Variants in GCKR observed in about 807,000 individuals in gnomAD.
GCKR encodes glucokinase regulator.
Under a neutral mutation model 82.9 loss-of-function variants are expected in GCKR, and 73 were observed. The ratio of observed to expected loss-of-function variants is 0.88; its 90% CI spans 0.73 to 1.07. GCKR has a LOEUF of 1.07. Among genes scored for constraint, GCKR ranks in the 50% least tolerant of loss-of-function variants. The pLI is 0.00. For synonymous variants in GCKR, 294 were observed against 291.8 expected (o/e 1.01, Z -0.08); for missense variants, 784 against 782.1 (o/e 1.00, Z -0.03).
intron 16 of GCKR, among the ~76,000 whole-genome samples, chr2:27,515,390 C>T (rs1443051460): frequency 6.6e-6 from 1 of 152,064 alleles, no homozygotes; most frequent in Admixed American, 6.6e-5. Context: ...ATCATCCCAC[C>T]TCAGCCTCCC....
At chr2:27,511,237 G>A (rs1480596020) in intron 16 of GCKR, among the ~76,000 whole-genome samples, 4 of 151,512 alleles carry the variant, frequency 2.6e-5, no homozygotes, top group African/African-American at 9.7e-5. Context: ...CATGTTGGCC[G>A]GGCTGGTCTC....
chr2:27,520,652 C>T (rs2148593611), intron 17 of GCKR, among the ~76,000 whole-genome samples: 1 of 152,270 alleles, frequency 6.6e-6, no homozygotes, highest in South Asian at 2.1e-4. Flanking sequence ...ATGTAAAAAC[C>T]AAAGCTGTAT....
At chr2:27,520,710 C>A (rs1054993248) in intron 17 of GCKR, among the ~76,000 whole-genome samples, 1 of 152,106 alleles carries the variant, frequency 6.6e-6, no homozygotes, top group Non-Finnish European at 1.5e-5. Context: ...GACTACATTT[C>A]TCTTTTTAGC....
At chr2:27,502,608 C>A (rs183423454) in intron 8 of GCKR, among the ~76,000 whole-genome samples, 1 of 152,160 alleles carries the variant, frequency 6.6e-6, no homozygotes, top group South Asian at 2.1e-4. Flanking sequence ...TTAGTCTCCT[C>A]TTTCTTAGGA....
At position 27,515,765 on chromosome 2, in the gene GCKR, A is replaced by AT. The variant is rs60183178; in HGVS notation, c.1423-3007dup. Reference sequence around the variant, plus strand: ...TGTTCGTATATATATATATATATATATTTTTTTTTTTTTTTTGAGACAGAA... The same window carrying AT: ...TGTTCGTATATATATATATATATATATTTTTTTTTTTTTTTTTGAGACAGAA... On this transcript the variant is annotated intron_variant, in intron 16 of 18. Transcript: ENST00000264717. Among the ~76,000 whole-genome samples the AT allele has an allele frequency of 2.9e-3, 311 of 106,900 alleles. 4 individuals carry two copies. The highest frequency in any genetic ancestry group is 7.5e-3 in the Admixed American group (70 of 9,370). 70.1% of individuals were successfully genotyped at this position (106,900 alleles called of 152,430 possible).
chr2:27,506,409 C>A (rs115218573), intron 10 of GCKR, 72 bp from the exon 11 acceptor site: 2 of 991,814 alleles, frequency 2.0e-6, no homozygotes, highest in Non-Finnish European at 3.3e-6. Context: ...TTCACCTCCC[C>A]GCTCAGGGAG....
chr2:27,506,411 C>T, intron 10 of GCKR, 70 bp from the exon 11 acceptor site: 3 of 1,014,236 alleles, frequency 3.0e-6, no homozygotes, highest in African/African-American at 1.6e-5. Context: ...CACCTCCCCG[C>T]TCAGGGAGGC....
rs975136798 is a variant in GCKR, at chr2:27,508,391, G to C, written c.1422+140G>C. 49 of 680,226 alleles carry C rather than the reference G, an allele frequency of 7.2e-5. 2 individuals carry two copies. The highest frequency in any genetic ancestry group is 2.4e-5 in the Non-Finnish European group (9 of 372,184). 42.1% of individuals were successfully genotyped at this position (680,226 alleles called of 1,614,324 possible). On this transcript the variant is annotated intron_variant, in intron 16 of 18. Coordinates refer to ENST00000264717, the MANE Select transcript of GCKR (RefSeq NM_001486.4). ...ACAAAGCCAGCTGGGCAAGGTCATG[G>C]GTTACCAGGTTACTAGTCAGAATTC...
chr2:27,499,524 T>G, intron 7 of GCKR, 74 bp downstream of exon 7: 1 of 1,055,020 alleles, frequency 9.5e-7, no homozygotes, highest in Non-Finnish European at 1.5e-6. Context: ...GCATGGAAGA[T>G]AGATCAATGA....
chr2:27,512,662 G>T (rs1400273812), intron 16 of GCKR, among the ~76,000 whole-genome samples: 3 of 152,088 alleles, frequency 2.0e-5, no homozygotes, highest in South Asian at 4.1e-4. Context: ...TCAGGAAAAT[G>T]ACAATTAATA....
At chr2:27,516,597 T>G (rs750930805) in intron 16 of GCKR, among the ~76,000 whole-genome samples, 115 of 152,290 alleles carry the variant, frequency 7.6e-4, no homozygotes, top group Non-Finnish European at 1.5e-3. Flanking sequence ...GCCCAGCCTA[T>G]TCTTCTTTTT....
Position 27,518,644 on chromosome 2 carries a change from C to T in GCKR, c.1423-144C>T, listed in dbSNP as rs552427937. 15 of 754,940 alleles carry T rather than the reference C, an allele frequency of 2.0e-5. No homozygotes were observed. In the East Asian group the frequency reaches 2.5e-4, roughly 12 times the overall value. 46.8% of individuals were successfully genotyped at this position (754,940 alleles called of 1,614,324 possible). A position where few individuals can be genotyped will look rare whatever the true frequency, so the allele number is the denominator to read the frequency against. On this transcript the variant is annotated intron_variant, in intron 16 of 18. Coordinates refer to ENST00000264717, the MANE Select transcript of GCKR (RefSeq NM_001486.4). Reference sequence around the variant, plus strand: ...TACATCTATTGCCCTAACATTTAAACGCTGGGCTGCTCAAACAAATCATGT... The same window carrying T: ...TACATCTATTGCCCTAACATTTAAATGCTGGGCTGCTCAAACAAATCATGT...
intron 16 of GCKR, 128 bp from the exon 17 acceptor site, chr2:27,518,660 C>CA (rs1383224634): frequency 1.2e-6 from 1 of 813,876 alleles, no homozygotes; most frequent in Non-Finnish European, 2.2e-6. Context: ...GCTGCTCAAA[C>CA]AAATCATGTT....
In GCKR at chr2:27,497,378, GC is replaced by G; in HGVS notation, c.196del (p.Gln66LysfsTer15). The G allele has an allele frequency of 1.2e-6, 2 of 1,614,106 alleles. No individual in the cohort carries two copies. Among genetic ancestry groups the G allele is most frequent in the Non-Finnish European group, 1.7e-6 (2 of 1,180,048 alleles). On this transcript the variant is annotated frameshift_variant, in exon 2 of 19. Coordinates refer to ENST00000264717, the MANE Select transcript of GCKR (RefSeq NM_001486.4). LOFTEE classifies it high-confidence loss of function. ...CDAEIFQEEG[Q>X]ALSTYQRLYS... is the part of the protein sequence containing the mutation. ...ATGCTGAGATCTTCCAGGAGGAGGG[GC>G]AAGCCCTGTCCACATACCAGGTAAC... is the stretch of plus-strand genomic sequence containing the variant.
chr2:27,514,197 A>G, intron 16 of GCKR, among the ~76,000 whole-genome samples: 1 of 152,118 alleles, frequency 6.6e-6, no homozygotes, highest in African/African-American at 2.4e-5. Context: ...GTATATATAC[A>G]TGCATACATA....
rs1669813097 is a variant in GCKR at position 27,508,871 on chromosome 2, C to CTT, written c.1422+620_1422+621insTT. On this transcript the variant is annotated intron_variant, in intron 16 of 18. Transcript: ENST00000264717. The stretch of plus-strand genomic sequence containing the variant: ...TCATTATCCAAAAGCTTTTACCACA[C>CTT]CTTTTTTTTTTTTGCAAGTTTACTA... Among the ~76,000 whole-genome samples the CTT allele has an allele frequency of 3.5e-5, 5 of 142,400 alleles. No homozygotes were observed. In the East Asian group the frequency reaches 1.1e-3, roughly 33 times the overall value. The allele number at this position is 142,400 out of a possible 152,430, so 93.4% of individuals were successfully genotyped here. A position where few individuals can be genotyped will look rare whatever the true frequency, so the allele number is the denominator to read the frequency against.
At chr2:27,517,394 G>GT (rs1194324584) in intron 16 of GCKR, among the ~76,000 whole-genome samples, 1 of 152,152 alleles carries the variant, frequency 6.6e-6, no homozygotes, top group Non-Finnish European at 1.5e-5. Flanking sequence ...ATGGTGGAAG[G>GT]TGAAGGGGAA....
At chr2:27,519,468 A>C (rs901368233) in intron 17 of GCKR, among the ~76,000 whole-genome samples, 1 of 151,812 alleles carries the variant, frequency 6.6e-6, no homozygotes, top group South Asian at 2.1e-4. Flanking sequence ...TGCCCAGCTA[A>C]TTTTATATTT....
intron 9 of GCKR, among the ~76,000 whole-genome samples, chr2:27,504,809 G>T (rs572067264): frequency 6.6e-6 from 1 of 152,240 alleles, no homozygotes; most frequent in Non-Finnish European, 1.5e-5. Context: ...TGGTGGAAGT[G>T]GGGGAGAAAT....
Sources: gnomAD v4.1 joint callset for allele counts (sites outside exome capture counted in the v4.1 genomes callset) on GRCh38, gnomAD v4.1.1 for gene constraint, MANE v1.5 for transcripts, NCBI Gene and HGNC (gene_info 2026-07-23, HGNC 2026-07-21) for gene names.